Variants in LRRTM4 observed in about 807,000 individuals in gnomAD.
LRRTM4 encodes the protein leucine-rich repeat transmembrane neuronal protein 4.
A neutral mutation model predicts 47.6 loss-of-function variants in LRRTM4; 25 were observed. The ratio of observed to expected loss-of-function variants is 0.53; its 90% CI spans 0.38 to 0.73. The LOEUF (loss-of-function observed/expected upper bound fraction) is 0.73. Ranked by LOEUF, LRRTM4 falls within the 30% of genes least tolerant of loss-of-function variation. The pLI, the probability that LRRTM4 is intolerant of heterozygous loss-of-function variation, is 0.00. For synonymous variants in LRRTM4, 311 were observed against 269.5 expected, an observed-to-expected ratio of 1.15 and a Z score of -1.51; for missense variants, 638 against 713.4, an observed-to-expected ratio of 0.89 and a Z score of 1.20.
intron 3 of LRRTM4, among the ~76,000 whole-genome samples, chr2:77,004,464 T>C (rs538861915): frequency 2.0e-5 from 3 of 152,220 alleles, no homozygotes; most frequent in Non-Finnish European, 2.9e-5. Context: ...AAGTCAAGAA[T>C]TGAGGTTTGT....
chr2:77,226,864 TG>T (rs1326660860), intron 3 of LRRTM4, among the ~76,000 whole-genome samples: 1 of 151,896 alleles, frequency 6.6e-6, no homozygotes, highest in African/African-American at 2.4e-5. Flanking sequence ...AGGAAGAGGA[TG>T]GGTTTTAGAC....
chr2:77,283,016 G>T (rs191625488), intron 3 of LRRTM4, among the ~76,000 whole-genome samples: 1 of 151,918 alleles, frequency 6.6e-6, no homozygotes, highest in Admixed American at 6.6e-5. Flanking sequence ...CACAGCCAAA[G>T]AAACTCTCAA....
At chr2:77,512,186 T>C (rs976308980) in intron 3 of LRRTM4, among the ~76,000 whole-genome samples, 1 of 152,146 alleles carries the variant, frequency 6.6e-6, no homozygotes, top group East Asian at 1.9e-4. Context: ...TTGGCAGTGA[T>C]AGCATTATTT....
At chr2:77,212,379 T>C (rs927561392) in intron 3 of LRRTM4, among the ~76,000 whole-genome samples, 29 of 150,144 alleles carry the variant, frequency 1.9e-4, no homozygotes, top group Non-Finnish European at 3.8e-4. Flanking sequence ...TATAGTGTCA[T>C]ATATATATAT....
chr2:76,964,323 C>G (rs1675953870), intron 3 of LRRTM4, among the ~76,000 whole-genome samples: 1 of 150,970 alleles, frequency 6.6e-6, no homozygotes, highest in South Asian at 2.1e-4. Flanking sequence ...TTGAGTGTAA[C>G]TAGCCTCTGT....
At chr2:77,468,415 C>A (rs562642765) in intron 3 of LRRTM4, among the ~76,000 whole-genome samples, 41 of 152,130 alleles carry the variant, frequency 2.7e-4, no homozygotes, top group African/African-American at 9.2e-4. Context: ...CAAGAATGGG[C>A]AAAATAATCA....
Position 77,492,326 on chromosome 2 carries a change from C to CATATAGCTGACTAT in LRRTM4, c.1551+25991_1551+25992insATAGTCAGCTATAT, listed in dbSNP as rs576061362. Among the ~76,000 whole-genome samples, 107 of 152,282 alleles carry CATATAGCTGACTAT rather than the reference C, an allele frequency of 7.0e-4. 3 individuals carry two copies. The South Asian group carries it at 0.02, about 29-fold the overall frequency. On this transcript the variant is annotated intron_variant, in intron 3 of 3. Coordinates refer to ENST00000409884, the MANE Select transcript of LRRTM4 (RefSeq NM_001134745.3). ...TCGGGCTGGAGTGCCGTGGCATGAA[C>CATATAGCTGACTAT]ATAGCTGACTGTCACCTCGAACTCC...
At chr2:76,798,210 C>A (rs1219300684) in intron 3 of LRRTM4, among the ~76,000 whole-genome samples, 1 of 152,094 alleles carries the variant, frequency 6.6e-6, no homozygotes, top group African/African-American at 2.4e-5. Context: ...GTAAAGCTCT[C>A]CTCAGAAAAT....
At chr2:77,454,318 CAAG>C (rs2103958019) in intron 3 of LRRTM4, among the ~76,000 whole-genome samples, 1 of 152,314 alleles carries the variant, frequency 6.6e-6, no homozygotes, top group South Asian at 2.1e-4. Flanking sequence ...GAATCTGAGA[CAAG>C]AATCTGCTTT....
chr2:76,840,090 C>T (rs1325296932), intron 3 of LRRTM4, among the ~76,000 whole-genome samples: 1 of 152,110 alleles, frequency 6.6e-6, no homozygotes, highest in Non-Finnish European at 1.5e-5. Flanking sequence ...CCAATCACAG[C>T]ATGCTTTTGA....
chr2:77,329,394 G>A (rs983880374), intron 3 of LRRTM4, among the ~76,000 whole-genome samples: 1 of 152,068 alleles, frequency 6.6e-6, no homozygotes, highest in Non-Finnish European at 1.5e-5. Context: ...GGTTTTGGAT[G>A]GCAATTTATC....
intron 3 of LRRTM4, among the ~76,000 whole-genome samples, chr2:77,413,650 G>A (rs1229832622): frequency 6.6e-6 from 1 of 152,114 alleles, no homozygotes; most frequent in East Asian, 1.9e-4. Flanking sequence ...GTTGCCAGAA[G>A]GAGGGAGAAT....
intron 3 of LRRTM4, among the ~76,000 whole-genome samples, chr2:77,069,336 G>A (rs961937544): frequency 2.6e-5 from 4 of 151,080 alleles, no homozygotes; most frequent in African/African-American, 4.9e-5. Context: ...ATGTGGATAC[G>A]TTTTTTAGAT....
At position 77,519,561 on chromosome 2, in the gene LRRTM4, T is replaced by C; in HGVS notation, c.308A>G (p.Asp103Gly). 5 of 1,613,498 alleles carry C rather than the reference T, an allele frequency of 3.1e-6. No individual in the cohort carries two copies. Among genetic ancestry groups the C allele is most frequent in the Non-Finnish European group, 3.4e-6 (4 of 1,179,660 alleles). The change falls in exon 3 of 4, where the codon GAT (aspartate) becomes GGT (glycine). Residue 103 changes from aspartate to glycine, a missense_variant. Transcript: ENST00000409884. This position sits in a 1 kb window ranked among gnomAD's most constrained non-coding sequence, Gnocchi z 4.6. ...CAGTCTACGGATCCCTTGAAATGCATCTTCATCCACTGAGCTAATGTAATT... is the reference window on the plus strand; with the variant it reads ...CAGTCTACGGATCCCTTGAAATGCACCTTCATCCACTGAGCTAATGTAATT... Reference protein sequence around the residue: ...DHNYISSVDEDAFQGIRRLKE... With the variant: ...DHNYISSVDEGAFQGIRRLKE...
intron 3 of LRRTM4, among the ~76,000 whole-genome samples, chr2:76,790,908 C>T (rs1158626662): frequency 6.6e-6 from 1 of 152,134 alleles, no homozygotes; most frequent in Non-Finnish European, 1.5e-5. Context: ...TTGTATTAGT[C>T]ACTGAATACT....
intron 3 of LRRTM4, among the ~76,000 whole-genome samples, chr2:77,029,165 T>C (rs10201530): frequency 0.57 from 85,822 of 150,068 alleles, 27,199 homozygotes; most frequent in African/African-American, 0.86. Context: ...TTTGATAACG[T>C]TAGTATTTAG....
At chr2:77,440,340 G>A (rs1675789720) in intron 3 of LRRTM4, among the ~76,000 whole-genome samples, 2 of 152,260 alleles carry the variant, frequency 1.3e-5, no homozygotes, top group South Asian at 4.1e-4. Flanking sequence ...TGTGAACTCG[G>A]GAGGTGGAGC....
At chr2:77,295,627 T>C (rs2104144103) in intron 3 of LRRTM4, among the ~76,000 whole-genome samples, 1 of 152,246 alleles carries the variant, frequency 6.6e-6, no homozygotes, top group Non-Finnish European at 1.5e-5. Context: ...CAGTCCAAAA[T>C]GAAGGTGTCG....
chr2:77,297,708 G>A (rs1264748492), intron 3 of LRRTM4, among the ~76,000 whole-genome samples: 1 of 152,164 alleles, frequency 6.6e-6, no homozygotes. Flanking sequence ...GGGATTCTCA[G>A]ATTTTCACTC....
Sources: gnomAD v4.1 joint callset for allele counts (sites outside exome capture counted in the v4.1 genomes callset) on GRCh38, gnomAD v4.1.1 for gene constraint, Gnocchi (gnomAD v3.1) non-coding constraint, MANE v1.5 for transcripts, NCBI Gene and HGNC (gene_info 2026-07-23, HGNC 2026-07-21) for gene names.